Variants in ITK observed in about 807,000 individuals in gnomAD.
ITK encodes tyrosine-protein kinase ITK/TSK.
In ITK, 45 loss-of-function variants were observed where a neutral mutation model predicts 87.6. That is an observed-to-expected ratio of 0.51 (90% CI 0.40 to 0.66). The LOEUF (loss-of-function observed/expected upper bound fraction) is 0.66, where lower values mean the gene tolerates loss of function less well. Among genes scored for constraint, ITK ranks in the 30% least tolerant of loss-of-function variants. The pLI is 0.00. For synonymous variants in ITK, 303 were observed against 273.6 expected, an observed-to-expected ratio of 1.11 and a Z score of -1.06; for missense variants, 605 against 766.3, an observed-to-expected ratio of 0.79 and a Z score of 2.48.
In ITK at chr5:157,226,992, A is replaced by G. The variant is rs553051483; in HGVS notation, c.648-1304A>G. On this transcript the variant is annotated intron_variant, in intron 6 of 16. Coordinates refer to ENST00000422843, the MANE Select transcript of ITK (RefSeq NM_005546.4). ...ATGCCACCACACCTGGCTAATTTTT[A>G]TATATTTTCTAGAGACAGGGTTTCA... Among the ~76,000 whole-genome samples the G allele has an allele frequency of 2.6e-5, 4 of 151,846 alleles. 1 individual carries two copies. The highest frequency in any genetic ancestry group is 9.7e-5 in the African/African-American group (4 of 41,398).
At position 157,240,096 on chromosome 5, in the gene ITK, A is replaced by G. The variant is rs1464355017; in HGVS notation, c.886A>G (p.Lys296Glu). ...NNPCIKHYHI[K>E]ETNDNPKRYY... is the part of the protein sequence containing the mutation. ...TCCCTGTATAAAGCATTATCACATCAAGGAAACAAATGACAATCCTAAGCG... is the reference window on the plus strand; with the variant it reads ...TCCCTGTATAAAGCATTATCACATCGAGGAAACAAATGACAATCCTAAGCG... The change falls in exon 10 of 17, where the codon AAG (lysine) becomes GAG (glutamate). Residue 296 changes from lysine (K) to glutamate (E), a missense_variant. Lys to Glu is a moderately conservative substitution (Grantham distance 56). Coordinates refer to ENST00000422843, the MANE Select transcript of ITK (RefSeq NM_005546.4). The G allele has an allele frequency of 6.2e-7, 1 of 1,611,760 alleles. No individual in the cohort carries two copies. Among genetic ancestry groups the G allele is most frequent in the Non-Finnish European group, 8.5e-7 (1 of 1,177,826 alleles).
At chr5:157,237,642 C>T (rs1754803572) in intron 8 of ITK, among the ~76,000 whole-genome samples, 1 of 152,226 alleles carries the variant, frequency 6.6e-6, no homozygotes, top group Non-Finnish European at 1.5e-5. Context: ...TGAAAGGAGG[C>T]ATCCTGGAGT....
intron 5 of ITK, among the ~76,000 whole-genome samples, chr5:157,220,155 A>G (rs1754385347): frequency 6.6e-6 from 1 of 152,118 alleles, no homozygotes; most frequent in Admixed American, 6.5e-5. Context: ...CTCATGCTCT[A>G]TGTGAGAAAC....
Position 157,214,177 on chromosome 5 carries a change from C to T in ITK, c.326-14C>T, listed in dbSNP as rs747778665. 3 of 1,609,794 alleles carry T rather than the reference C, an allele frequency of 1.9e-6. No individual in the cohort carries two copies. The highest frequency in any genetic ancestry group is 2.6e-6 in the Non-Finnish European group (3 of 1,176,194). On this transcript the variant is annotated splice_polypyrimidine_tract_variant and intron_variant, in intron 3 of 16. Transcript: ENST00000422843. Reference sequence around the variant, plus strand: ...CCTGGAAATAACTCTTCTGTTGGTGCCAACCTGTTTCAGAAACGAGGAATA... The same window carrying T: ...CCTGGAAATAACTCTTCTGTTGGTGTCAACCTGTTTCAGAAACGAGGAATA...
intron 1 of ITK, among the ~76,000 whole-genome samples, chr5:157,208,376 A>C (rs774929162): frequency 4.6e-5 from 7 of 152,102 alleles, no homozygotes; most frequent in Non-Finnish European, 7.3e-5. Context: ...TATAGATCAG[A>C]GTCAGGAATG....
intron 6 of ITK, among the ~76,000 whole-genome samples, chr5:157,226,732 A>G (rs35737161): frequency 0.016 from 2,491 of 152,330 alleles, 29 homozygotes; most frequent in Non-Finnish European, 0.027. Flanking sequence ...TGGCCTTATT[A>G]TAAGAAAATT....
At chr5:157,183,091 C>A (rs1217102567) in intron 1 of ITK, among the ~76,000 whole-genome samples, 4 of 151,914 alleles carry the variant, frequency 2.6e-5, no homozygotes, top group African/African-American at 9.7e-5. Context: ...GCCTTTTTTA[C>A]TCTTATAAAT....
chr5:157,182,335 A>G (rs1470446029), intron 1 of ITK, among the ~76,000 whole-genome samples: 1 of 152,174 alleles, frequency 6.6e-6, no homozygotes, highest in Non-Finnish European at 1.5e-5. Flanking sequence ...ACTTCATGAG[A>G]TGGAGCTCCA....
In ITK at chr5:157,244,402, C is replaced by T; in HGVS notation, c.1373C>T (p.Thr458Ile). 2 of 1,614,066 alleles carry T rather than the reference C, an allele frequency of 1.2e-6. No homozygotes were observed. Among genetic ancestry groups the T allele is most frequent in the South Asian group, 2.2e-5 (2 of 91,074 alleles). Residue 458 changes from threonine (T) to isoleucine (I), a missense_variant, in exon 13 of 17, where the codon ACC becomes ATC. Physicochemically the swap from Thr to Ile is moderately conservative, Grantham distance 89. Coordinates refer to ENST00000422843, the MANE Select transcript of ITK (RefSeq NM_005546.4). The stretch of plus-strand genomic sequence containing the variant: ...CAGCGGGGACTTTTTGCTGCAGAGA[C>T]CCTGCTGGGCATGTGTCTGGATGTG... ...RTQRGLFAAE[T>I]LLGMCLDVCE...
intron 1 of ITK, among the ~76,000 whole-genome samples, chr5:157,204,664 A>C (rs1754045008): frequency 2.0e-5 from 3 of 151,646 alleles, no homozygotes; most frequent in Admixed American, 2.0e-4. Flanking sequence ...ACACCACTGC[A>C]CTCCAGCCTG....
intron 4 of ITK, among the ~76,000 whole-genome samples, chr5:157,215,327 C>T (rs993738637): frequency 2.0e-5 from 3 of 152,166 alleles, no homozygotes; most frequent in African/African-American, 4.8e-5. Flanking sequence ...AAATTGGCAA[C>T]CCAAGGCGGA....
chr5:157,219,194 C>T (rs983771253), intron 5 of ITK, among the ~76,000 whole-genome samples: 2 of 150,474 alleles, frequency 1.3e-5, no homozygotes, highest in African/African-American at 4.9e-5. Flanking sequence ...CTCACTGCAA[C>T]CTCCGCCTCC....
chr5:157,183,733 G>A (rs1314972037), intron 1 of ITK, among the ~76,000 whole-genome samples: 1 of 152,158 alleles, frequency 6.6e-6, no homozygotes, highest in Non-Finnish European at 1.5e-5. Context: ...TGTTTGGCCA[G>A]TTATTGCCCC....
At chr5:157,213,531 C>T (rs760166629) in intron 3 of ITK, 1 of 444,526 alleles carries the variant, frequency 2.2e-6, no homozygotes, top group South Asian at 1.6e-5. Context: ...GTGCATGACA[C>T]CATGCCCAGC....
At position 157,241,735 on chromosome 5, in the gene ITK, C is replaced by G. The variant is rs1416332172; in HGVS notation, c.1060+15C>G. 1 of 1,603,946 alleles carries G rather than the reference C, an allele frequency of 6.2e-7. No individual in the cohort carries two copies. Among genetic ancestry groups the G allele is most frequent in the South Asian group, 1.1e-5 (1 of 90,854 alleles). ...GCTGAGATACGGTGAGCAGTACAAT[C>G]AGGAATGTAAACTCATGTCCCTAAA... On this transcript the variant is annotated intron_variant, in intron 11 of 16. Transcript: ENST00000422843.
chr5:157,234,224 C>T (rs532452538), intron 8 of ITK, among the ~76,000 whole-genome samples: 15 of 151,892 alleles, frequency 9.9e-5, no homozygotes, highest in South Asian at 2.1e-4. Context: ...TCAGGTGATC[C>T]GCCTGCCTTG....
At chr5:157,214,762 T>C (rs998402242) in intron 4 of ITK, among the ~76,000 whole-genome samples, 2 of 152,194 alleles carry the variant, frequency 1.3e-5, no homozygotes, top group African/African-American at 4.8e-5. Context: ...TGTCTTACAG[T>C]GACATCATGT....
chr5:157,181,192 T>C, intron 1 of ITK, 77 bp downstream of exon 1: 1 of 1,376,440 alleles, frequency 7.3e-7, no homozygotes, highest in Non-Finnish European at 1.0e-6. Flanking sequence ...AATATATACA[T>C]AGCATAAAAT....
At chr5:157,242,167 C>G (rs1161552220) in intron 11 of ITK, among the ~76,000 whole-genome samples, 1 of 152,132 alleles carries the variant, frequency 6.6e-6, no homozygotes, top group Non-Finnish European at 1.5e-5. Flanking sequence ...TGTTAAAATT[C>G]TTTGGAATAC....
Sources: allele counts gnomAD v4.1 joint callset (sites outside exome capture counted in the v4.1 genomes callset), GRCh38; gene constraint gnomAD v4.1.1; transcripts MANE v1.5; gene names NCBI Gene and HGNC (gene_info 2026-07-23, HGNC 2026-07-21).